DNAI7: variants seen among roughly 807,000 people sequenced by gnomAD.
The protein encoded by DNAI7 is dynein axonemal intermediate chain 7, also known as cancer susceptibility 1.
A neutral mutation model predicts 86.6 loss-of-function variants in DNAI7; 78 were observed. The observed-to-expected ratio is 0.90, with a 90% CI of 0.75 to 1.09. The LOEUF (loss-of-function observed/expected upper bound fraction) is 1.09, where lower values mean the gene tolerates loss of function less well. Among genes scored for constraint, DNAI7 ranks in the 50% least tolerant of loss-of-function variants. The pLI is 0.00. For synonymous variants in DNAI7, 274 were observed against 273.0 expected (o/e 1.00, Z -0.04); for missense variants, 753 against 810.2 (o/e 0.93, Z 0.86).
At chr12:25,190,873 A>G (rs891923043) in intron 1 of DNAI7, among the ~76,000 whole-genome samples, 1 of 152,176 alleles carries the variant, frequency 6.6e-6, no homozygotes, top group Non-Finnish European at 1.5e-5. Context: ...CTACTGAACC[A>G]TTTTTTTGTA....
chr12:25,137,016 CT>C (rs1321409429), intron 9 of DNAI7, among the ~76,000 whole-genome samples: 32 of 152,146 alleles, frequency 2.1e-4, no homozygotes, highest in Admixed American at 2.0e-3. Context: ...GAAAACTTCC[CT>C]GGTTTTTGCC....
intron 14 of DNAI7, among the ~76,000 whole-genome samples, chr12:25,111,190 G>C (rs1216402534): frequency 1.3e-5 from 2 of 152,058 alleles, no homozygotes; most frequent in African/African-American, 4.8e-5. Context: ...TATCACAAAT[G>C]TTTACTAAGC....
At position 25,195,084 on chromosome 12, in the gene DNAI7, G is replaced by C. The variant is rs1314825265; in HGVS notation, c.-6C>G. ...TCATTTGCCTTGCTCACCATTAAGA[G>C]TCAAGCTCCACTGCAGTAGTCCGCA... On this transcript the variant is annotated 5_prime_UTR_variant, in exon 1 of 16. Transcript: ENST00000395987. 1 of 1,614,190 alleles carries C rather than the reference G, an allele frequency of 6.2e-7. No individual in the cohort carries two copies. The highest frequency in any genetic ancestry group is 1.7e-5 in the Admixed American group (1 of 60,034).
intron 9 of DNAI7, among the ~76,000 whole-genome samples, chr12:25,140,407 A>C (rs1944033939): frequency 6.6e-6 from 1 of 152,186 alleles, no homozygotes; most frequent in African/African-American, 2.4e-5. Flanking sequence ...AACAGTGACC[A>C]AGCTGAGAAT....
chr12:25,167,647 C>T lies in DNAI7; in HGVS notation c.22-6450G>A, dbSNP rs563579704. 2.2e-4 allele frequency among the ~76,000 whole-genome samples: 34 copies of T among 152,278 alleles called. 1 individual carries two copies. Among genetic ancestry groups the T allele is most frequent in the African/African-American group, 7.7e-4 (32 of 41,548 alleles). On this transcript the variant is annotated intron_variant, in intron 2 of 15. Transcript: ENST00000395987. ...CCCGCCTTACATGCAGACTAGGCAA[C>T]ATCTCCTGTCTCCCTATACCTCCGA... is the stretch of plus-strand genomic sequence containing the variant.
In DNAI7 at chr12:25,120,714, G is replaced by C. The variant is rs559634279; in HGVS notation, c.1239+1039C>G. Among the ~76,000 whole-genome samples the C allele has an allele frequency of 1.8e-4, 28 of 152,152 alleles. No homozygotes were observed. The South Asian group carries it at 5.4e-3, about 29-fold the overall frequency. On this transcript the variant is annotated intron_variant, in intron 11 of 15. Coordinates refer to ENST00000395987, the MANE Select transcript of DNAI7 (RefSeq NM_018272.5). ...CACTCCAGCCTGGGCGAAAGAGCGAGACTCCGTCTCAAAAAAAATAAAAAT... is the reference window on the plus strand; with the variant it reads ...CACTCCAGCCTGGGCGAAAGAGCGACACTCCGTCTCAAAAAAAATAAAAAT...
At chr12:25,112,062 A>C (rs1401302687) in intron 13 of DNAI7, 123 bp from the exon 14 acceptor site, 8 of 502,036 alleles carry the variant, frequency 1.6e-5, no homozygotes, top group Admixed American at 7.3e-5. Context: ...TATATTAGAA[A>C]GAATGCAGGG....
At chr12:25,150,068 G>A (rs1343646785) in intron 6 of DNAI7, among the ~76,000 whole-genome samples, 1 of 152,160 alleles carries the variant, frequency 6.6e-6, no homozygotes, top group African/African-American at 2.4e-5. Context: ...ACAGAAGAGT[G>A]CCATCTGTCT....
chr12:25,113,715 T>A (rs945023357), intron 13 of DNAI7, among the ~76,000 whole-genome samples: 1 of 152,202 alleles, frequency 6.6e-6, no homozygotes, highest in Non-Finnish European at 1.5e-5. Context: ...TTACATATCA[T>A]AAAATTCACC....
chr12:25,138,077 C>T (rs1943754429), intron 9 of DNAI7, among the ~76,000 whole-genome samples: 1 of 152,034 alleles, frequency 6.6e-6, no homozygotes, highest in Non-Finnish European at 1.5e-5. Context: ...CTCTACTCAA[C>T]CACTGCAGAA....
rs79526594 is a variant in DNAI7 at position 25,112,359 on chromosome 12, C to T, written c.1612-420G>A. On this transcript the variant is annotated intron_variant, in intron 13 of 15. Transcript: ENST00000395987. ...ATTATTATCCAGTTTTAAAGTCTTG[C>T]GCGAAGTGACAGTTTGAAGGTGTAT... is the stretch of plus-strand genomic sequence containing the variant. Among the ~76,000 whole-genome samples, 510 of 149,114 alleles carry T rather than the reference C, an allele frequency of 3.4e-3. 6 individuals carry two copies. The highest frequency in any genetic ancestry group is 0.012 in the African/African-American group (476 of 40,300).
chr12:25,191,205 G>A lies in DNAI7; in HGVS notation c.4-574C>T, dbSNP rs556281548. ...AGGCGGGAGGATCACCTGAACCCAA[G>A]AGTTCAAGATCAGCCCGGGCAACAC... On this transcript the variant is annotated intron_variant, in intron 1 of 15. Transcript: ENST00000395987. Among the ~76,000 whole-genome samples, 6 of 152,278 alleles carry A rather than the reference G, an allele frequency of 3.9e-5. No individual in the cohort carries two copies. In the East Asian group the frequency reaches 1.2e-3, roughly 29 times the overall value.
Position 25,188,727 on chromosome 12 carries a change from A to C in DNAI7, c.21+1887T>G, listed in dbSNP as rs545483693. Among the ~76,000 whole-genome samples, 131 of 152,198 alleles carry C rather than the reference A, an allele frequency of 8.6e-4. 1 individual carries two copies. The highest frequency in any genetic ancestry group is 3.4e-3 in the Middle Eastern group (1 of 294). On this transcript the variant is annotated intron_variant, in intron 2 of 15. Transcript: ENST00000395987. Reference sequence around the variant, plus strand: ...CGATTTCTTCTCTGGGTTTGGTTTCAAATTTCATAGGAAGAATCTCACCAT... The same window carrying C: ...CGATTTCTTCTCTGGGTTTGGTTTCCAATTTCATAGGAAGAATCTCACCAT...
intron 7 of DNAI7, among the ~76,000 whole-genome samples, chr12:25,147,553 G>A (rs1945033554): frequency 1.3e-5 from 2 of 152,080 alleles, no homozygotes; most frequent in African/African-American, 2.4e-5. Context: ...CAGCTGGGAG[G>A]ATCCTAGGTG....
At position 25,114,757 on chromosome 12, in the gene DNAI7, T is replaced by C. The variant is rs1194464053; in HGVS notation, c.1510A>G (p.Ile504Val). ...GPVTLIQDAH[I>V]NMPYQSWELR... ...TCCCATGACTGGTACGGCATGTTAA[T>C]ATGAGCATCTTGAATCAAGGTAACA... Residue 504 changes from isoleucine (I) to valine (V), a missense_variant, in exon 13 of 16, where the codon ATT (isoleucine) becomes GTT (valine). Physicochemically the swap from Ile to Val is conservative, Grantham distance 29. Transcript: ENST00000395987. The C allele has an allele frequency of 8.1e-6, 13 of 1,613,820 alleles. No individual in the cohort carries two copies. In the Admixed American group the frequency reaches 1.8e-4, roughly 23 times the overall value.
At chr12:25,174,983 G>C (rs1948796739) in intron 2 of DNAI7, among the ~76,000 whole-genome samples, 1 of 151,722 alleles carries the variant, frequency 6.6e-6, no homozygotes, top group Admixed American at 6.6e-5. Context: ...GGAGGGCAAG[G>C]GATAGAAGAC....
At chr12:25,146,468 G>A (rs1412938647) in intron 8 of DNAI7, among the ~76,000 whole-genome samples, 7 of 149,658 alleles carry the variant, frequency 4.7e-5, no homozygotes, top group African/African-American at 9.8e-5. Context: ...GTGTGGTGGC[G>A]TGCACCTGTA....
At chr12:25,120,065 C>T (rs189528562) in intron 11 of DNAI7, among the ~76,000 whole-genome samples, 7 of 152,200 alleles carry the variant, frequency 4.6e-5, no homozygotes, top group Admixed American at 2.0e-4. Context: ...TCAATAACAA[C>T]AGATCTTTAG....
intron 2 of DNAI7, among the ~76,000 whole-genome samples, chr12:25,171,534 C>T (rs1265882833): frequency 2.0e-5 from 3 of 152,036 alleles, no homozygotes; most frequent in Non-Finnish European, 4.4e-5. Flanking sequence ...CAGAATTCTA[C>T]AAGACATTCA....
Sources: allele counts gnomAD v4.1 joint callset (sites outside exome capture counted in the v4.1 genomes callset), GRCh38; gene constraint gnomAD v4.1.1; transcripts MANE v1.5; gene names NCBI Gene and HGNC (gene_info 2026-07-23, HGNC 2026-07-21).